Variants in PRDM1 observed in about 807,000 individuals in gnomAD.
PRDM1 encodes the protein PR/SET domain 1.
Under a neutral mutation model 62.8 loss-of-function variants are expected in PRDM1, and 13 were observed. The ratio of observed to expected loss-of-function variants is 0.21; its 90% CI spans 0.13 to 0.33. PRDM1 has a LOEUF of 0.33. PRDM1 is among the 10% of genes least tolerant of loss of function. The pLI is 1.00. For missense variants in PRDM1, 895 were observed against 1,058.8 expected (o/e 0.85, Z 2.15); for synonymous variants, 396 against 417.6 (o/e 0.95, Z 0.63).
intron 1 of PRDM1, among the ~76,000 whole-genome samples, chr6:106,079,332 A>G (rs1386102841): frequency 6.6e-6 from 1 of 152,230 alleles, no homozygotes; most frequent in Non-Finnish European, 1.5e-5. Context: ...ATAACTGAAG[A>G]GAATGGTATA....
At position 106,106,507 on chromosome 6, in the gene PRDM1, G is replaced by A. The variant is rs747469346; in HGVS notation, c.1902+8G>A. 3.1e-6 allele frequency: 5 copies of A among 1,614,032 alleles called. No individual in the cohort carries two copies. In the South Asian group the frequency reaches 5.5e-5, roughly 18 times the overall value. ...AAGCCACATGAATGCCAGGTGCGCA[G>A]TATTTTCTGGGTAGACCTTCTGACC... On this transcript the variant is annotated splice_region_variant and intron_variant, in intron 6 of 6. Coordinates refer to ENST00000369096, the MANE Select transcript of PRDM1 (RefSeq NM_001198.4). The surrounding 1 kb of genome is among the most constrained non-coding windows in gnomAD (Gnocchi z 4.4).
rs1415183477 is a variant in PRDM1, at chr6:106,106,026, A to G, written c.1773+93A>G. ...TCCATGGGGTATCGATTGCATTTGC[A>G]GTAGTATGAGCCCCCGGTTGGGGAT... is the stretch of plus-strand genomic sequence containing the variant. On this transcript the variant is annotated intron_variant, in intron 5 of 6. Transcript: ENST00000369096. The surrounding 1 kb of genome is among the most constrained non-coding windows in gnomAD (Gnocchi z 4.4). The G allele has an allele frequency of 6.7e-7, 1 of 1,500,776 alleles. No individual in the cohort carries two copies. The highest frequency in any genetic ancestry group is 8.9e-7 in the Non-Finnish European group (1 of 1,121,720). The allele number at this position is 1,500,776 out of a possible 1,614,324, so 93.0% of individuals were successfully genotyped here. A position where few individuals can be genotyped will look rare whatever the true frequency, so the allele number is the denominator to read the frequency against.
At chr6:106,054,191 C>A (rs1022762553) in intron 1 of PRDM1, among the ~76,000 whole-genome samples, 4 of 151,984 alleles carry the variant, frequency 2.6e-5, no homozygotes, top group African/African-American at 9.7e-5. Context: ...ATCATCTCAA[C>A]ATTTTTACAG....
At chr6:106,000,281 T>C (rs1273435942) in intron 1 of PRDM1, among the ~76,000 whole-genome samples, 2 of 152,264 alleles carry the variant, frequency 1.3e-5, no homozygotes, top group South Asian at 2.1e-4. Flanking sequence ...CTTTAAAAAA[T>C]ATATACAAGC....
rs186810140 is a variant in PRDM1 at position 106,013,676 on chromosome 6, G to A, written c.-67+20037G>A. On this transcript the variant is annotated intron_variant, in intron 1 of 6. Coordinates refer to the PRDM1 transcript ENST00000652320. ...TTCTTTTGAGAGTCATTTTCACCAAGAGCCAATATTGTATAGTGCTGCCAA... is the reference window on the plus strand; with the variant it reads ...TTCTTTTGAGAGTCATTTTCACCAAAAGCCAATATTGTATAGTGCTGCCAA... Among the ~76,000 whole-genome samples, 5 of 152,216 alleles carry A rather than the reference G, an allele frequency of 3.3e-5. No individual in the cohort carries two copies. In the East Asian group the frequency reaches 5.8e-4, roughly 18 times the overall value.
At chr6:106,098,391 GCATCTGT>G (rs1212012044) in intron 3 of PRDM1, 5 of 985,208 alleles carry the variant, frequency 5.1e-6, no homozygotes, top group Non-Finnish European at 6.0e-6. Flanking sequence ...TAGCCTGAGT[GCATCTGT>G]TATCCAGAAG....
At chr6:106,030,424 T>A (rs544190672) in intron 1 of PRDM1, among the ~76,000 whole-genome samples, 6 of 152,278 alleles carry the variant, frequency 3.9e-5, no homozygotes, top group Non-Finnish European at 8.8e-5. Flanking sequence ...CCTCCCACCA[T>A]GGCCTCCCAA....
intron 1 of PRDM1, among the ~76,000 whole-genome samples, chr6:106,005,870 T>C (rs1019208936): frequency 7.9e-5 from 12 of 152,206 alleles, no homozygotes; most frequent in African/African-American, 2.7e-4. Flanking sequence ...ATGAGAAAAC[T>C]TTACGGTTAG....
upstream of PRDM1, among the ~76,000 whole-genome samples, chr6:106,044,194 CTTTT>C (rs559769433): frequency 2.3e-5 from 3 of 128,090 alleles, no homozygotes; most frequent in East Asian, 4.7e-4. Context: ...TTTTTTCTTT[CTTTT>C]TTTTTTTTTT....
In PRDM1 at chr6:106,104,888, T is replaced by G. The variant is rs570529259; in HGVS notation, c.728T>G (p.Val243Gly). The change falls in exon 5 of 7, where the codon GTC (valine) becomes GGC (glycine). Residue 243 changes from valine to glycine, a missense_variant. Val to Gly is a moderately radical substitution (Grantham distance 109). Coordinates refer to ENST00000369096, the MANE Select transcript of PRDM1 (RefSeq NM_001198.4). ...TEKNELCPKN[V>G]PKREYSVKEI... Reference sequence around the variant, plus strand: ...AAAAATGAACTCTGCCCAAAGAATGTCCCAAAGAGAGAGTACAGCGTGAAA... The same window carrying G: ...AAAAATGAACTCTGCCCAAAGAATGGCCCAAAGAGAGAGTACAGCGTGAAA... 5.6e-6 allele frequency: 9 copies of G among 1,613,796 alleles called. No individual in the cohort carries two copies. The South Asian group carries it at 7.7e-5, about 14-fold the overall frequency.
chr6:105,996,397 G>A lies in PRDM1; in HGVS notation c.-67+2758G>A, dbSNP rs1772349662. On this transcript the variant is annotated intron_variant, in intron 1 of 6. Transcript: ENST00000652320. ...ACAATGTTAAGACAAAATATTGAGT[G>A]GGATGCTCTAATATATCCAGTTCTT... Among the ~76,000 whole-genome samples the A allele has an allele frequency of 2.0e-5, 3 of 152,050 alleles. 1 individual carries two copies. The highest frequency in any genetic ancestry group is 7.2e-5 in the African/African-American group (3 of 41,390).
At chr6:106,038,014 C>CTTTTTTTTTTTT (rs1227783243) in intron 1 of PRDM1, among the ~76,000 whole-genome samples, 1,178 of 47,772 alleles carry the variant, frequency 0.025, 361 homozygotes, top group Non-Finnish European at 0.028. Flanking sequence ...CTATTTTTGT[C>CTTTTTTTTTTTT]TTTTTTTTTT....
intron 1 of PRDM1, among the ~76,000 whole-genome samples, chr6:106,016,892 T>A (rs564730198): frequency 2.0e-5 from 3 of 152,194 alleles, no homozygotes; most frequent in Non-Finnish European, 4.4e-5. Flanking sequence ...GACTTTGTGA[T>A]CTGCCCGCCT....
chr6:106,019,162 A>G (rs939036570), intron 1 of PRDM1, among the ~76,000 whole-genome samples: 1 of 148,602 alleles, frequency 6.7e-6, no homozygotes, highest in Non-Finnish European at 1.5e-5. Flanking sequence ...GCTACTCAGG[A>G]AGCTGAGGCA....
intron 1 of PRDM1, among the ~76,000 whole-genome samples, chr6:106,008,922 T>C (rs554146934): frequency 6.6e-6 from 1 of 152,292 alleles, no homozygotes; most frequent in Non-Finnish European, 1.5e-5. Context: ...TACTCCCCTT[T>C]CCACAAGGTT....
chr6:106,002,080 G>A (rs1030875480), intron 1 of PRDM1, among the ~76,000 whole-genome samples: 1 of 151,874 alleles, frequency 6.6e-6, no homozygotes, highest in East Asian at 1.9e-4. Context: ...AAAAAAAATT[G>A]GAGCTTGACT....
intron 1 of PRDM1, among the ~76,000 whole-genome samples, chr6:106,055,044 A>G (rs757436778): frequency 1.3e-4 from 20 of 152,214 alleles, no homozygotes; most frequent in Non-Finnish European, 2.5e-4. Flanking sequence ...CCATACTGCT[A>G]TTGGACCTGT....
At chr6:106,018,460 T>C (rs1266556756) in intron 1 of PRDM1, among the ~76,000 whole-genome samples, 3 of 152,234 alleles carry the variant, frequency 2.0e-5, no homozygotes, top group African/African-American at 7.2e-5. Context: ...TCAGATTTCC[T>C]TAGCTTTTAC....
chr6:106,005,801 T>C (rs1772474350), intron 1 of PRDM1, among the ~76,000 whole-genome samples: 1 of 152,220 alleles, frequency 6.6e-6, no homozygotes, highest in Non-Finnish European at 1.5e-5. Flanking sequence ...TACATGCAGT[T>C]CATGGGTTTA....
Sources: gnomAD v4.1 joint callset for allele counts (sites outside exome capture counted in the v4.1 genomes callset) on GRCh38, gnomAD v4.1.1 for gene constraint, Gnocchi (gnomAD v3.1) non-coding constraint, MANE v1.5 for transcripts, NCBI Gene and HGNC (gene_info 2026-07-23, HGNC 2026-07-21) for gene names.